Variants in EYA1 observed in about 807,000 individuals in gnomAD.
EYA1 encodes the protein EYA transcriptional coactivator and phosphatase 1.
In EYA1, 16 loss-of-function variants were observed where a neutral mutation model predicts 82.0. The observed-to-expected ratio is 0.20, with a 90% CI of 0.13 to 0.30. The LOEUF (loss-of-function observed/expected upper bound fraction) is 0.30. Among genes scored for constraint, EYA1 ranks in the 10% least tolerant of loss-of-function variants. EYA1 has a pLI of 1.00. For missense variants in EYA1, 633 were observed against 730.7 expected, an observed-to-expected ratio of 0.87 and a Z score of 1.54; for synonymous variants, 261 against 264.4, an observed-to-expected ratio of 0.99 and a Z score of 0.12.
intron 2 of EYA1, among the ~76,000 whole-genome samples, chr8:71,499,890 G>GCAA (rs2129236069): frequency 1.3e-5 from 2 of 152,250 alleles, no homozygotes; most frequent in Non-Finnish European, 2.9e-5. Context: ...ACAGATAGAG[G>GCAA]GATAATGTTG....
chr8:71,321,895 G>T lies in EYA1; in HGVS notation c.273-16C>A. Reference sequence around the variant, plus strand: ...GTATGGTCTGCTATTTGTCAGAAATGACAGAAAATAGAAAGCCCATGCATT... The same window carrying T: ...GTATGGTCTGCTATTTGTCAGAAATTACAGAAAATAGAAAGCCCATGCATT... On this transcript the variant is annotated splice_polypyrimidine_tract_variant and intron_variant, in intron 5 of 17. Coordinates refer to ENST00000340726, the MANE Select transcript of EYA1 (RefSeq NM_000503.6). 1 of 1,614,174 alleles carries T rather than the reference G, an allele frequency of 6.2e-7. No homozygotes were observed.
chr8:71,523,168 T>G (rs1164121916), intron 2 of EYA1, among the ~76,000 whole-genome samples: 1 of 126,512 alleles, frequency 7.9e-6, no homozygotes, highest in Non-Finnish European at 1.6e-5. Context: ...TTTCTTTTCT[T>G]TTTTCTTTTT....
intron 12 of EYA1, among the ~76,000 whole-genome samples, chr8:71,242,942 T>C (rs1812664559): frequency 1.4e-5 from 2 of 146,650 alleles, no homozygotes; most frequent in African/African-American, 2.6e-5. Context: ...CACACCCAGC[T>C]AATTTTGTAT....
At chr8:71,338,509 G>A (rs1055369596) in intron 3 of EYA1, among the ~76,000 whole-genome samples, 4 of 151,624 alleles carry the variant, frequency 2.6e-5, no homozygotes, top group African/African-American at 7.3e-5. Flanking sequence ...ATTGGAGCTC[G>A]GTGACATTAG....
chr8:71,420,369 A>G (rs1329495781), intron 2 of EYA1, among the ~76,000 whole-genome samples: 1 of 152,208 alleles, frequency 6.6e-6, no homozygotes, highest in Admixed American at 6.5e-5. Flanking sequence ...AAGCACATTT[A>G]AACAACCTAG....
At chr8:71,411,943 A>G (rs78780025) in intron 2 of EYA1, among the ~76,000 whole-genome samples, 146,310 of 150,860 alleles carry the variant, frequency 0.97, 71,175 homozygotes, top group African/African-American at 0.99. Context: ...TGTTTATTGC[A>G]GCATTATTCA....
intron 2 of EYA1, among the ~76,000 whole-genome samples, chr8:71,475,787 C>G (rs894983802): frequency 6.6e-6 from 1 of 152,074 alleles, no homozygotes; most frequent in African/African-American, 2.4e-5. Flanking sequence ...CTATAATTTT[C>G]GTTTGTTTAT....
intron 2 of EYA1, among the ~76,000 whole-genome samples, chr8:71,398,050 C>T (rs897646229): frequency 6.6e-6 from 1 of 152,140 alleles, no homozygotes; most frequent in Non-Finnish European, 1.5e-5. Context: ...GGTTTTCAAT[C>T]ACTGACACCC....
chr8:71,319,956 G>A (rs956199714), intron 6 of EYA1, among the ~76,000 whole-genome samples: 1 of 152,068 alleles, frequency 6.6e-6, no homozygotes, highest in Admixed American at 6.6e-5. Context: ...TTATTCCCTG[G>A]GAATTTATAA....
intron 4 of EYA1, among the ~76,000 whole-genome samples, chr8:71,331,348 G>A (rs1359723910): frequency 7.3e-5 from 11 of 150,394 alleles, no homozygotes; most frequent in Non-Finnish European, 1.6e-4. Flanking sequence ...TTTTACCACA[G>A]TACAGTTATC....
chr8:71,493,195 G>C (rs1433367993), intron 2 of EYA1, among the ~76,000 whole-genome samples: 3 of 152,114 alleles, frequency 2.0e-5, no homozygotes, highest in Non-Finnish European at 4.4e-5. Context: ...TCCATGTCTT[G>C]GCTATCATGA....
intron 4 of EYA1, among the ~76,000 whole-genome samples, chr8:71,331,826 C>A (rs1414385961): frequency 6.6e-6 from 1 of 152,012 alleles, no homozygotes; most frequent in Non-Finnish European, 1.5e-5. Context: ...GCTTCCAGTT[C>A]AACACTATTG....
At chr8:71,530,891 C>T (rs890911481) in intron 2 of EYA1, 1 of 152,126 alleles carries the variant, frequency 6.6e-6, no homozygotes. Flanking sequence ...TACAATGGAG[C>T]CCTAAAGTAA....
At chr8:71,453,786 G>C (rs1405382619) in intron 2 of EYA1, among the ~76,000 whole-genome samples, 1 of 152,120 alleles carries the variant, frequency 6.6e-6, no homozygotes, top group East Asian at 1.9e-4. Flanking sequence ...AACATGGAAA[G>C]GAACAACAGG....
intron 2 of EYA1, among the ~76,000 whole-genome samples, chr8:71,367,552 G>GAAAAA (rs3066860): frequency 1.5e-5 from 2 of 135,656 alleles, no homozygotes; most frequent in African/African-American, 2.6e-5. Context: ...TCCCAAATCG[G>GAAAAA]AAAAAAAAAA....
chr8:71,382,590 A>T, intron 2 of EYA1, among the ~76,000 whole-genome samples: 1 of 152,154 alleles, frequency 6.6e-6, no homozygotes, highest in Non-Finnish European at 1.5e-5. Context: ...GTATACATTA[A>T]TAGGAAATAG....
chr8:71,329,918 C>G (rs13252656), intron 4 of EYA1, among the ~76,000 whole-genome samples: 62,162 of 151,810 alleles, frequency 0.41, 13,214 homozygotes, highest in East Asian at 0.57. Flanking sequence ...AGTAGAACAG[C>G]AGAGCTGCAC....
rs188150327 is a variant in EYA1, at chr8:71,384,946, G to C, written c.34-28435C>G. Reference sequence around the variant, plus strand: ...CACTGACGCAATAATTTATATGCAGGTACCAAACCATGGCAAGTAGACCCT... The same window carrying C: ...CACTGACGCAATAATTTATATGCAGCTACCAAACCATGGCAAGTAGACCCT... On this transcript the variant is annotated intron_variant, in intron 2 of 18. Transcript: ENST00000643681. Among the ~76,000 whole-genome samples the C allele has an allele frequency of 1.6e-4, 24 of 152,202 alleles. 1 individual carries two copies. In the East Asian group the frequency reaches 3.5e-3, roughly 22 times the overall value.
At position 71,198,904 on chromosome 8, in the gene EYA1, A is replaced by AAAGT; in HGVS notation, c.*432_*435dup. On this transcript the variant is annotated 3_prime_UTR_variant, in exon 18 of 18. Coordinates refer to ENST00000340726, the MANE Select transcript of EYA1 (RefSeq NM_000503.6). ...GATTACCCTGGGTATGAGACACCAA[A>AAAGT]AAGTAAACCTTCTTTACAAGAAAAT... 1 of 232,802 alleles carries AAAGT rather than the reference A, an allele frequency of 4.3e-6. No individual in the cohort carries two copies. Among genetic ancestry groups the AAAGT allele is most frequent in the South Asian group, 6.2e-5 (1 of 16,152 alleles). The allele number at this position is 232,802 out of a possible 1,614,324, so 14.4% of individuals were successfully genotyped here. A position where few individuals can be genotyped will look rare whatever the true frequency, so the allele number is the denominator to read the frequency against.
Sources: allele counts gnomAD v4.1 joint callset (sites outside exome capture counted in the v4.1 genomes callset), GRCh38; gene constraint gnomAD v4.1.1; transcripts MANE v1.5; gene names NCBI Gene and HGNC (gene_info 2026-07-23, HGNC 2026-07-21).